The following VPS13B variants were observed in gnomAD, a reference collection of about 807,000 sequenced individuals.
VPS13B encodes intermembrane lipid transfer protein VPS13B.
In VPS13B, 285 loss-of-function variants were observed where a neutral mutation model predicts 426.4. The ratio of observed to expected loss-of-function variants is 0.67; its 90% CI spans 0.61 to 0.74. VPS13B has a LOEUF of 0.74. Among genes scored for constraint, VPS13B ranks in the 30% least tolerant of loss-of-function variants. VPS13B has a pLI of 0.00. For synonymous variants in VPS13B, 1,676 were observed against 1,676.4 expected, an observed-to-expected ratio of 1.00 and a Z score of 0.01; for missense variants, 4,537 against 4,782.6, an observed-to-expected ratio of 0.95 and a Z score of 1.51.
chr8:99,243,188 C>G (rs1004089344), intron 17 of VPS13B, among the ~76,000 whole-genome samples: 6 of 152,076 alleles, frequency 3.9e-5, no homozygotes, highest in Admixed American at 1.3e-4. Context: ...ACTTGTATGA[C>G]AAAAAGTGCA....
chr8:99,655,134 G>A (rs904315648), intron 34 of VPS13B, among the ~76,000 whole-genome samples: 1 of 152,180 alleles, frequency 6.6e-6, no homozygotes, highest in Non-Finnish European at 1.5e-5. Context: ...AAAGGAATCA[G>A]CACTCTAACT....
chr8:99,777,668 A>G (rs1424220644), intron 41 of VPS13B, among the ~76,000 whole-genome samples: 2 of 152,184 alleles, frequency 1.3e-5, no homozygotes, highest in Non-Finnish European at 2.9e-5. Flanking sequence ...AATACTTGGT[A>G]TTGCCTGATT....
At chr8:99,373,716 G>C (rs753563441) in intron 19 of VPS13B, among the ~76,000 whole-genome samples, 16 of 152,018 alleles carry the variant, frequency 1.1e-4, no homozygotes, top group Non-Finnish European at 1.9e-4. Flanking sequence ...AATAAAAATA[G>C]CCGGGTATGG....
At chr8:99,732,941 G>A (rs574257305) in intron 39 of VPS13B, among the ~76,000 whole-genome samples, 5 of 152,278 alleles carry the variant, frequency 3.3e-5, no homozygotes, top group African/African-American at 1.2e-4. Flanking sequence ...CACTTTATTT[G>A]GTGGTAGAAA....
intron 2 of VPS13B, among the ~76,000 whole-genome samples, chr8:99,014,525 C>T (rs1040161797): frequency 1.3e-5 from 2 of 151,870 alleles, no homozygotes; most frequent in African/African-American, 2.4e-5. Context: ...CAGAATTGTT[C>T]GGTCTACTTA....
At chr8:99,615,113 G>A (rs996527811) in intron 33 of VPS13B, among the ~76,000 whole-genome samples, 5 of 108,728 alleles carry the variant, frequency 4.6e-5, no homozygotes, top group Non-Finnish European at 8.8e-5. Flanking sequence ...GTGAAACTCC[G>A]TCTCAAAAAA....
chr8:99,022,099 C>T (rs527305054), intron 2 of VPS13B, among the ~76,000 whole-genome samples: 2 of 151,612 alleles, frequency 1.3e-5, no homozygotes, highest in African/African-American at 4.8e-5. Context: ...TTGAATTGTA[C>T]TTGTGCTTTC....
At chr8:99,810,649 A>G (rs1813650491) in intron 44 of VPS13B, among the ~76,000 whole-genome samples, 1 of 152,244 alleles carries the variant, frequency 6.6e-6, no homozygotes, top group Non-Finnish European at 1.5e-5. Context: ...CAGAATATTT[A>G]TTGATTGCCT....
At chr8:99,143,322 G>T (rs559973993) in intron 13 of VPS13B, among the ~76,000 whole-genome samples, 157 bp downstream of exon 13, 135 of 152,320 alleles carry the variant, frequency 8.9e-4, no homozygotes, top group South Asian at 2.7e-3. Context: ...GAATAAACTT[G>T]TGTGTAGAAG....
At chr8:99,529,617 G>A (rs1822826282) in intron 30 of VPS13B, among the ~76,000 whole-genome samples, 1 of 152,104 alleles carries the variant, frequency 6.6e-6, no homozygotes, top group Non-Finnish European at 1.5e-5. Context: ...AGTTACCAGG[G>A]CAATTCCTGA....
chr8:99,412,696 T>A (rs886770059), intron 21 of VPS13B, among the ~76,000 whole-genome samples: 2 of 152,206 alleles, frequency 1.3e-5, no homozygotes, highest in South Asian at 2.1e-4. Context: ...AGTATGATAT[T>A]GACTGTGGGT....
intron 30 of VPS13B, among the ~76,000 whole-genome samples, chr8:99,523,208 A>G (rs1822467641): frequency 1.3e-5 from 2 of 152,198 alleles, no homozygotes; most frequent in African/African-American, 4.8e-5. Flanking sequence ...AGAACAGAGC[A>G]CCAAGTAGAT....
At chr8:99,854,361 GGT>G in intron 56 of VPS13B, 105 bp downstream of exon 56, 1 of 1,259,068 alleles carries the variant, frequency 7.9e-7, no homozygotes, top group East Asian at 2.5e-5. Context: ...ATTGGCAAGA[GGT>G]GACACACCTG....
At chr8:99,178,752 G>C (rs1420704188) in intron 16 of VPS13B, among the ~76,000 whole-genome samples, 2 of 151,978 alleles carry the variant, frequency 1.3e-5, no homozygotes, top group Admixed American at 1.3e-4. Context: ...CTCCCAAGTA[G>C]CTGTAATTAC....
chr8:99,738,020 G>A (rs1833917365), intron 39 of VPS13B, among the ~76,000 whole-genome samples: 2 of 152,172 alleles, frequency 1.3e-5, no homozygotes, highest in Non-Finnish European at 2.9e-5. Context: ...ACTTTGGGGA[G>A]TCTCACTATA....
intron 19 of VPS13B, among the ~76,000 whole-genome samples, chr8:99,323,632 A>T (rs1004849516): frequency 1.6e-4 from 24 of 152,234 alleles, no homozygotes; most frequent in Non-Finnish European, 1.0e-4. Context: ...TGGAAATGGA[A>T]GTAATAGAGA....
At chr8:99,719,190 A>G (rs754082973) in intron 37 of VPS13B, among the ~76,000 whole-genome samples, 4 of 152,206 alleles carry the variant, frequency 2.6e-5, no homozygotes, top group Admixed American at 6.5e-5. Context: ...GAAAACGACA[A>G]TGATCTGTTT....
chr8:99,308,534 A>C (rs943915161), intron 19 of VPS13B, among the ~76,000 whole-genome samples: 3 of 152,130 alleles, frequency 2.0e-5, no homozygotes, highest in African/African-American at 7.2e-5. Flanking sequence ...GCTGCATAGG[A>C]TTCCATGGTG....
At chr8:99,731,387 A>G (rs1833593388) in intron 39 of VPS13B, among the ~76,000 whole-genome samples, 1 of 152,154 alleles carries the variant, frequency 6.6e-6, no homozygotes, top group Non-Finnish European at 1.5e-5. Context: ...GAGAAAAATA[A>G]TTTTCCCAAG....
Sources: gnomAD v4.1 joint callset for allele counts (sites outside exome capture counted in the v4.1 genomes callset) on GRCh38, gnomAD v4.1.1 for gene constraint, MANE v1.5 for transcripts, NCBI Gene and HGNC (gene_info 2026-07-23, HGNC 2026-07-21) for gene names.